Variants in PCDH15 observed in about 807,000 individuals in gnomAD.
PCDH15 encodes the protein protocadherin-15.
A neutral mutation model predicts 178.5 loss-of-function variants in PCDH15; 129 were observed. That is an observed-to-expected ratio of 0.72 (90% CI 0.63 to 0.84). The LOEUF (loss-of-function observed/expected upper bound fraction) is 0.84. Ranked by LOEUF, PCDH15 falls within the 40% of genes least tolerant of loss-of-function variation. The pLI is 0.00. For synonymous variants in PCDH15, 800 were observed against 732.0 expected (o/e 1.09, Z -1.50); for missense variants, 2,230 against 2,099.9 (o/e 1.06, Z -1.21).
intron 37 of PCDH15, chr10:53,808,800 C>G (rs1334129781): frequency 6.2e-7 from 1 of 1,611,664 alleles, no homozygotes; most frequent in Admixed American, 1.7e-5. Context: ...GACCTCCAGA[C>G]TGACTTTCGC....
chr10:54,038,784 G>GT (rs1010575394), intron 18 of PCDH15, among the ~76,000 whole-genome samples: 1 of 151,856 alleles, frequency 6.6e-6, no homozygotes, highest in South Asian at 2.1e-4. Context: ...TCTTGGATTG[G>GT]TTTTTTTCTT....
At position 54,091,889 on chromosome 10, in the gene PCDH15, T is replaced by C. The variant is rs142829160; in HGVS notation, c.1918-1826A>G. On this transcript the variant is annotated intron_variant, in intron 15 of 37. Transcript: ENST00000644397. Reference sequence around the variant, plus strand: ...GTCAACTCATTCAACAGTGTAGCTATAAATACTGTCTATCTGCTGAAGACG... The same window carrying C: ...GTCAACTCATTCAACAGTGTAGCTACAAATACTGTCTATCTGCTGAAGACG... 6.8e-4 allele frequency among the ~76,000 whole-genome samples: 103 copies of C among 152,264 alleles called. 4 individuals are homozygous for C. The highest frequency in any genetic ancestry group is 2.3e-3 in the African/African-American group (94 of 41,580).
chr10:54,556,894 G>A (rs961546555), intron 2 of PCDH15, among the ~76,000 whole-genome samples: 1 of 151,912 alleles, frequency 6.6e-6, no homozygotes, highest in Non-Finnish European at 1.5e-5. Context: ...GGGGTTGGGG[G>A]TGGGAGGAGT....
chr10:54,574,464 C>A (rs1465666595), intron 2 of PCDH15, among the ~76,000 whole-genome samples: 1 of 151,998 alleles, frequency 6.6e-6, no homozygotes, highest in African/African-American at 2.4e-5. Context: ...TAGTGTGATG[C>A]CTCCAGCTTT....
chr10:55,306,122 G>A (rs1471505368), intron 1 of PCDH15, among the ~76,000 whole-genome samples: 1 of 151,994 alleles, frequency 6.6e-6, no homozygotes, highest in African/African-American at 2.4e-5. Context: ...GTGAAAATAT[G>A]GATAATCTAT....
chr10:54,193,923 C>A (rs1359274848), intron 11 of PCDH15, among the ~76,000 whole-genome samples: 1 of 151,742 alleles, frequency 6.6e-6, no homozygotes, highest in Non-Finnish European at 1.5e-5. Context: ...TTGCATCTAT[C>A]ATGTTTGTTG....
intron 2 of PCDH15, among the ~76,000 whole-genome samples, chr10:55,362,643 CGTGTGT>C (rs148604478): frequency 6.7e-6 from 1 of 149,998 alleles, no homozygotes; most frequent in Non-Finnish European, 1.5e-5. Context: ...TACATGCACT[CGTGTGT>C]GTGTGTGTGT....
intron 1 of PCDH15, among the ~76,000 whole-genome samples, chr10:54,750,089 GCT>G (rs964749402): frequency 5.5e-4 from 84 of 152,012 alleles, no homozygotes; most frequent in African/African-American, 2.0e-3. Context: ...AAGCGCCCTT[GCT>G]CTGTCTCTCT....
At position 54,921,285 on chromosome 10, in the gene PCDH15, T is replaced by C. The variant is rs190257871; in HGVS notation, c.-79-23785A>G. Among the ~76,000 whole-genome samples the C allele has an allele frequency of 2.4e-4, 36 of 152,274 alleles. No individual in the cohort carries two copies. The East Asian group carries it at 5.6e-3, about 24-fold the overall frequency. On this transcript the variant is annotated intron_variant, in intron 2 of 5. Coordinates refer to the PCDH15 transcript ENST00000458638. ...GCTTCCTGATTCTATTGCCTCAATA[T>C]ATACCCTCACGAACTTTTATTATTT...
At chr10:54,350,042 C>G (rs548636109) in intron 5 of PCDH15, among the ~76,000 whole-genome samples, 1 of 151,686 alleles carries the variant, frequency 6.6e-6, no homozygotes, top group Admixed American at 6.6e-5. Flanking sequence ...TTGTATTAGC[C>G]GTAGGAATAG....
At chr10:54,594,346 G>T (rs116210788) in intron 2 of PCDH15, among the ~76,000 whole-genome samples, 47 of 152,246 alleles carry the variant, frequency 3.1e-4, no homozygotes, top group African/African-American at 1.1e-3. Flanking sequence ...TAGCCCTAAG[G>T]AAAGGGGTGA....
At chr10:54,142,725 A>T (rs1326016623) in intron 14 of PCDH15, among the ~76,000 whole-genome samples, 1 of 152,154 alleles carries the variant, frequency 6.6e-6, no homozygotes, top group Non-Finnish European at 1.5e-5. Flanking sequence ...AATTAGATTT[A>T]ACATTAATAA....
chr10:55,371,168 A>G (rs558195742), intron 2 of PCDH15, among the ~76,000 whole-genome samples: 6 of 152,102 alleles, frequency 3.9e-5, no homozygotes, highest in Non-Finnish European at 7.4e-5. Flanking sequence ...TACGGAGAGT[A>G]TAGATTAAAA....
chr10:54,862,458 G>A (rs1953859712), intron 3 of PCDH15, among the ~76,000 whole-genome samples: 1 of 152,124 alleles, frequency 6.6e-6, no homozygotes, highest in Admixed American at 6.6e-5. Flanking sequence ...GGTGTGAATA[G>A]TTTTTATGCC....
intron 2 of PCDH15, among the ~76,000 whole-genome samples, chr10:55,136,591 T>C (rs1200117853): frequency 2.6e-5 from 4 of 151,892 alleles, no homozygotes; most frequent in Non-Finnish European, 5.9e-5. Context: ...CAAAGAGGGG[T>C]AAAGGAAGTA....
At chr10:55,058,309 C>T (rs1841353885) in intron 2 of PCDH15, among the ~76,000 whole-genome samples, 1 of 152,108 alleles carries the variant, frequency 6.6e-6, no homozygotes, top group Admixed American at 6.6e-5. Flanking sequence ...CTCCTGAGCT[C>T]AAGTGATCTT....
chr10:54,493,371 C>A (rs1020537524), intron 3 of PCDH15, among the ~76,000 whole-genome samples: 1 of 152,020 alleles, frequency 6.6e-6, no homozygotes, highest in African/African-American at 2.4e-5. Context: ...CCTACCCAAC[C>A]AAGTGAAACC....
chr10:53,967,576 C>A (rs1393991550), intron 21 of PCDH15, among the ~76,000 whole-genome samples: 3 of 152,262 alleles, frequency 2.0e-5, no homozygotes, highest in Admixed American at 1.3e-4. Flanking sequence ...CTGGCCTAGA[C>A]AAACATTAAA....
chr10:53,974,105 C>T (rs1015400095), intron 21 of PCDH15, among the ~76,000 whole-genome samples: 4 of 152,158 alleles, frequency 2.6e-5, no homozygotes, highest in African/African-American at 9.7e-5. Flanking sequence ...GCAACCTCCG[C>T]CTCCCAGGCT....
Sources: gnomAD v4.1 joint callset for allele counts (sites outside exome capture counted in the v4.1 genomes callset) on GRCh38, gnomAD v4.1.1 for gene constraint, MANE v1.5 for transcripts, NCBI Gene and HGNC (gene_info 2026-07-23, HGNC 2026-07-21) for gene names.